The following PTPRN2 variants were observed in gnomAD, a reference collection of about 807,000 sequenced individuals.
The protein encoded by PTPRN2 is protein tyrosine phosphatase receptor type N2, also known as receptor-type tyrosine-protein phosphatase N2.
A neutral mutation model predicts 118.8 loss-of-function variants in PTPRN2; 74 were observed. That is an observed-to-expected ratio of 0.62 (90% CI 0.52 to 0.76). The LOEUF (loss-of-function observed/expected upper bound fraction) is 0.76, where lower values mean the gene tolerates loss of function less well. Ranked by LOEUF, PTPRN2 falls within the 30% of genes least tolerant of loss-of-function variation. PTPRN2 has a pLI of 0.00. For synonymous variants in PTPRN2, 641 were observed against 608.0 expected (o/e 1.05, Z -0.80); for missense variants, 1,481 against 1,394.4 (o/e 1.06, Z -0.99).
At chr7:157,850,056 T>C (rs141526709) in intron 12 of PTPRN2, among the ~76,000 whole-genome samples, 3 of 152,334 alleles carry the variant, frequency 2.0e-5, no homozygotes, top group African/African-American at 7.2e-5. Flanking sequence ...ATGCTTTTGG[T>C]TTAAATAAAT....
intron 3 of PTPRN2, among the ~76,000 whole-genome samples, chr7:158,255,839 C>T (rs556747720): frequency 6.6e-6 from 1 of 151,810 alleles, no homozygotes; most frequent in East Asian, 2.0e-4. Flanking sequence ...GGCACTAAGC[C>T]TCAGGGCACC....
intron 11 of PTPRN2, among the ~76,000 whole-genome samples, chr7:157,908,467 A>G (rs1458959451): frequency 6.6e-6 from 1 of 152,214 alleles, no homozygotes; most frequent in Admixed American, 6.5e-5. Context: ...ATTTCTGCAT[A>G]AAGAAGTATC....
intron 12 of PTPRN2, among the ~76,000 whole-genome samples, chr7:157,760,330 T>G (rs2151005135): frequency 6.6e-6 from 1 of 151,334 alleles, no homozygotes; most frequent in Admixed American, 6.6e-5. Context: ...TGCAGAGAAG[T>G]GAACTCAGCA....
chr7:158,321,254 G>A (rs775022969), intron 2 of PTPRN2, among the ~76,000 whole-genome samples: 5 of 152,056 alleles, frequency 3.3e-5, no homozygotes, highest in Non-Finnish European at 7.4e-5. Context: ...TCGCCTCACC[G>A]CCGACCATTT....
At chr7:158,146,394 T>A (rs1820004034) in intron 6 of PTPRN2, among the ~76,000 whole-genome samples, 1 of 152,138 alleles carries the variant, frequency 6.6e-6, no homozygotes, top group Non-Finnish European at 1.5e-5. Flanking sequence ...ATTGGGCATC[T>A]ATTGTGATCA....
intron 12 of PTPRN2, among the ~76,000 whole-genome samples, chr7:157,850,123 C>T (rs1030926263): frequency 2.0e-5 from 3 of 152,208 alleles, no homozygotes; most frequent in Non-Finnish European, 4.4e-5. Context: ...ACATTCATAA[C>T]AAACAGAGCT....
rs1366170907 is a variant in PTPRN2, at chr7:157,787,433, G to A, written c.1789-104496C>T. 6.6e-6 allele frequency among the ~76,000 whole-genome samples: 1 copy of A among 152,022 alleles called. No individual in the cohort carries two copies. Among genetic ancestry groups the A allele is most frequent in the Admixed American group, 6.5e-5 (1 of 15,268 alleles). On this transcript the variant is annotated intron_variant, in intron 12 of 22. Coordinates refer to ENST00000389418, the MANE Select transcript of PTPRN2 (RefSeq NM_002847.5). The surrounding 1 kb of genome is among the most constrained non-coding windows in gnomAD (Gnocchi z 5.3). ...GCGCAGCAGCCGGTGGGCCTGGGGGGCGCGTGGACTCCCAGCTGTTGCTGT... is the reference window on the plus strand; with the variant it reads ...GCGCAGCAGCCGGTGGGCCTGGGGGACGCGTGGACTCCCAGCTGTTGCTGT...
intron 12 of PTPRN2, among the ~76,000 whole-genome samples, chr7:157,786,382 A>C (rs1478516009): frequency 6.6e-6 from 1 of 152,208 alleles, no homozygotes; most frequent in Non-Finnish European, 1.5e-5. Flanking sequence ...GAAGTCTAAG[A>C]AGGAAGATTA....
At chr7:157,580,529 G>A (rs116429461) in intron 17 of PTPRN2, among the ~76,000 whole-genome samples, 6,212 of 138,054 alleles carry the variant, frequency 0.045, 158 homozygotes, top group Middle Eastern at 0.086. Flanking sequence ...CCCAGCACCT[G>A]CACACCCGAG....
At chr7:158,204,102 C>G (rs559445002) in intron 4 of PTPRN2, among the ~76,000 whole-genome samples, 2 of 152,050 alleles carry the variant, frequency 1.3e-5, no homozygotes, top group East Asian at 3.9e-4. Flanking sequence ...AGCCCCCGCC[C>G]TCGGTGTGCG....
chr7:157,627,416 CAG>C lies in PTPRN2; in HGVS notation c.2197-5909_2197-5908del, dbSNP rs1299229431. Among the ~76,000 whole-genome samples the C allele has an allele frequency of 5.3e-5, 8 of 152,216 alleles. No homozygotes were observed. ...TCAGGAAATCCATGAAGAGTGAAAA[CAG>C]GGAGCGAAGAATTGGTGGTGAATCT... On this transcript the variant is annotated intron_variant, in intron 14 of 22. Coordinates refer to ENST00000389418, the MANE Select transcript of PTPRN2 (RefSeq NM_002847.5). The surrounding 1 kb of genome is among the most constrained non-coding windows in gnomAD (Gnocchi z 4.2).
chr7:158,278,023 T>C (rs11763627), intron 3 of PTPRN2, among the ~76,000 whole-genome samples: 99,822 of 152,118 alleles, frequency 0.66, 34,164 homozygotes, highest in South Asian at 0.85. Flanking sequence ...CAGGTCCTTG[T>C]CTGACACACC....
At position 158,287,885 on chromosome 7, in the gene PTPRN2, T is replaced by G. The variant is rs535478055; in HGVS notation, c.277+28934A>C. On this transcript the variant is annotated intron_variant, in intron 3 of 22. Transcript: ENST00000389418. ...TTTCCTTATTGATTTTCTGTCTGAATGATCTGTCCATTGCCGAAAGTGGGT... is the reference window on the plus strand; with the variant it reads ...TTTCCTTATTGATTTTCTGTCTGAAGGATCTGTCCATTGCCGAAAGTGGGT... 3.3e-5 allele frequency among the ~76,000 whole-genome samples: 5 copies of G among 152,294 alleles called. No homozygotes were observed. The East Asian group carries it at 7.7e-4, about 23-fold the overall frequency.
intron 14 of PTPRN2, among the ~76,000 whole-genome samples, chr7:157,653,515 G>T (rs969510124): frequency 6.6e-6 from 1 of 152,102 alleles, no homozygotes; most frequent in African/African-American, 2.4e-5. Flanking sequence ...GAGGGTGGCG[G>T]TCAGTGCCCC....
chr7:158,260,530 G>C (rs900071464), intron 3 of PTPRN2, among the ~76,000 whole-genome samples: 2 of 152,144 alleles, frequency 1.3e-5, no homozygotes, highest in African/African-American at 2.4e-5. Context: ...ATAAAGCCCA[G>C]AGGGCCTATA....
chr7:157,810,464 T>TC (rs1485343772), intron 12 of PTPRN2, among the ~76,000 whole-genome samples: 2 of 145,952 alleles, frequency 1.4e-5, no homozygotes, highest in Non-Finnish European at 3.0e-5. Context: ...GCACAGGCTC[T>TC]CCACGGGGAC....
At position 157,615,359 on chromosome 7, in the gene PTPRN2, G is replaced by A. The variant is rs1296461051; in HGVS notation, c.2344+6003C>T. On this transcript the variant is annotated intron_variant, in intron 15 of 22. Coordinates refer to ENST00000389418, the MANE Select transcript of PTPRN2 (RefSeq NM_002847.5). The surrounding 1 kb of genome is among the most constrained non-coding windows in gnomAD (Gnocchi z 4.3). ...TGTAGGCTGCACTCTCCGGGGAGCC[G>A]CTGACCTTGGGCTCCCTAACCTCCT... The A allele has an allele frequency of 2.5e-5, 11 of 447,026 alleles. No homozygotes were observed. Among genetic ancestry groups the A allele is most frequent in the South Asian group, 3.3e-5 (2 of 60,794 alleles). 27.7% of individuals were successfully genotyped at this position (447,026 alleles called of 1,614,324 possible). A position where few individuals can be genotyped will look rare whatever the true frequency, so the allele number is the denominator to read the frequency against.
chr7:158,225,929 T>C (rs1828738240), intron 3 of PTPRN2, among the ~76,000 whole-genome samples: 1 of 151,158 alleles, frequency 6.6e-6, no homozygotes, highest in Admixed American at 6.6e-5. Context: ...GGGAGTTGCA[T>C]AGTCACAGGA....
intron 2 of PTPRN2, among the ~76,000 whole-genome samples, chr7:158,387,848 C>T (rs1811617968): frequency 6.6e-6 from 1 of 152,144 alleles, no homozygotes; most frequent in Admixed American, 6.5e-5. Flanking sequence ...CAGGAACCCG[C>T]CTCTGAATTC....
Sources: allele counts gnomAD v4.1 joint callset (sites outside exome capture counted in the v4.1 genomes callset), GRCh38; gene constraint gnomAD v4.1.1; non-coding constraint Gnocchi (gnomAD v3.1); transcripts MANE v1.5; gene names NCBI Gene and HGNC (gene_info 2026-07-23, HGNC 2026-07-21).